CEP112: variants seen among roughly 807,000 people sequenced by gnomAD.
CEP112 encodes centrosomal protein 112, also known as centrosomal protein of 112 kDa.
A neutral mutation model predicts 153.0 loss-of-function variants in CEP112; 127 were observed. The observed-to-expected ratio is 0.83, with a 90% CI of 0.72 to 0.96. The LOEUF is 0.96. Among genes scored for constraint, CEP112 ranks in the 40% least tolerant of loss-of-function variants. The pLI, the probability that CEP112 is intolerant of heterozygous loss-of-function variation, is 0.00. For missense variants in CEP112, 1,089 were observed against 1,101.2 expected, an observed-to-expected ratio of 0.99 and a Z score of 0.16; for synonymous variants, 358 against 374.4, an observed-to-expected ratio of 0.96 and a Z score of 0.51.
chr17:65,998,593 C>G (rs1459263959), intron 17 of CEP112, among the ~76,000 whole-genome samples: 1 of 151,634 alleles, frequency 6.6e-6, no homozygotes. Flanking sequence ...TTCTGGAAAA[C>G]CTGTTCATAT....
chr17:65,975,937 C>T (rs2063018049), intron 17 of CEP112, among the ~76,000 whole-genome samples: 1 of 152,192 alleles, frequency 6.6e-6, no homozygotes, highest in Admixed American at 6.5e-5. Flanking sequence ...AAATGAATAT[C>T]CCAAGAAGTT....
At chr17:65,875,359 T>C (rs1356998012) in intron 20 of CEP112, among the ~76,000 whole-genome samples, 1 of 152,086 alleles carries the variant, frequency 6.6e-6, no homozygotes, top group Non-Finnish European at 1.5e-5. Context: ...CCAAGTAGTA[T>C]AGAAATGCCC....
rs117255763 is a variant in CEP112, at chr17:65,856,509, G to A, written c.2164-4475C>T. Among the ~76,000 whole-genome samples the A allele has an allele frequency of 9.2e-3, 1,406 of 152,132 alleles. 11 individuals carry two copies. Among genetic ancestry groups the A allele is most frequent in the Admixed American group, 0.013 (201 of 15,276 alleles). ...GTACTTTATTAATTTGTTATTGTGC[G>A]TTTCTATCCCCTAATTTTCACTATG... On this transcript the variant is annotated intron_variant, in intron 20 of 26. Coordinates refer to ENST00000535342, the MANE Select transcript of CEP112 (RefSeq NM_001199165.4).
chr17:66,087,900 T>C (rs1179682824), intron 8 of CEP112, among the ~76,000 whole-genome samples: 1 of 151,970 alleles, frequency 6.6e-6, no homozygotes, highest in Non-Finnish European at 1.5e-5. Context: ...CAGTAAAACG[T>C]AGGATCAGGC....
intron 8 of CEP112, among the ~76,000 whole-genome samples, chr17:66,086,593 A>G (rs2067947636): frequency 6.6e-6 from 1 of 151,170 alleles, no homozygotes; most frequent in Middle Eastern, 3.4e-3. Context: ...TTTTTAGCAG[A>G]GACGGGGTTT....
rs199953992 is a variant in CEP112 at position 66,061,731 on chromosome 17, TA to T, written c.1074+1231del. ...ATACATAATCACACTCGTGGAATTTTAAAAGTTGAGCTCATAGAAGTAGAGA... is the reference window on the plus strand; with the variant it reads ...ATACATAATCACACTCGTGGAATTTTAAAGTTGAGCTCATAGAAGTAGAGA... On this transcript the variant is annotated intron_variant, in intron 11 of 26. Transcript: ENST00000535342. Among the ~76,000 whole-genome samples the T allele has an allele frequency of 1.6e-3, 250 of 152,236 alleles. 7 individuals are homozygous for T. The East Asian group carries it at 0.041, about 25-fold the overall frequency.
At chr17:65,663,274 T>C (rs1046108311) in intron 24 of CEP112, among the ~76,000 whole-genome samples, 1 of 152,246 alleles carries the variant, frequency 6.6e-6, no homozygotes, top group African/African-American at 2.4e-5. Context: ...GTGATCTTTG[T>C]CATATCCAGT....
At chr17:66,046,746 C>A (rs2066226806) in intron 12 of CEP112, among the ~76,000 whole-genome samples, 1 of 152,116 alleles carries the variant, frequency 6.6e-6, no homozygotes, top group Non-Finnish European at 1.5e-5. Context: ...AATCCAACAA[C>A]TTCTGTCATT....
intron 23 of CEP112, among the ~76,000 whole-genome samples, chr17:65,717,674 T>A (rs1248502073): frequency 1.8e-4 from 27 of 152,182 alleles, no homozygotes; most frequent in Admixed American, 1.8e-3. Flanking sequence ...AAATGTTTGT[T>A]TTTCTTCTCA....
intron 23 of CEP112, among the ~76,000 whole-genome samples, chr17:65,728,811 G>A (rs1399622689): frequency 6.6e-6 from 1 of 152,148 alleles, no homozygotes. Flanking sequence ...GCACTTGTGA[G>A]TCAGTGAGTG....
At chr17:65,676,931 G>T (rs2047263972) in intron 24 of CEP112, among the ~76,000 whole-genome samples, 1 of 152,104 alleles carries the variant, frequency 6.6e-6, no homozygotes, top group African/African-American at 2.4e-5. Context: ...AACTGGGGGA[G>T]CCTGGCCTGG....
intron 23 of CEP112, among the ~76,000 whole-genome samples, chr17:65,735,304 GTTCTTTCAGAGTGACTA>G (rs1664091536): frequency 6.6e-6 from 1 of 152,104 alleles, no homozygotes; most frequent in Non-Finnish European, 1.5e-5. Context: ...CCTGTCAATC[GTTCTTTCAGAGTGACTA>G]GAGTTCAGCT....
intron 16 of CEP112, among the ~76,000 whole-genome samples, chr17:66,013,977 T>C (rs11867758): frequency 0.04 from 6,077 of 152,308 alleles, 168 homozygotes; most frequent in South Asian, 0.11. Flanking sequence ...GCCACTGGCC[T>C]TCCTGAGTGC....
At chr17:66,131,658 G>A (rs186497921) in intron 5 of CEP112, among the ~76,000 whole-genome samples, 2,481 of 151,808 alleles carry the variant, frequency 0.016, 178 homozygotes, top group Admixed American at 0.12. Context: ...GGAGAACGGC[G>A]TGAACCCGGG....
At chr17:66,022,143 C>T (rs970313833) in intron 16 of CEP112, among the ~76,000 whole-genome samples, 1 of 152,156 alleles carries the variant, frequency 6.6e-6, no homozygotes, top group Non-Finnish European at 1.5e-5. Context: ...AGCCACCACA[C>T]TAAGTCTATT....
chr17:65,793,342 G>C (rs1378654107), intron 21 of CEP112, among the ~76,000 whole-genome samples: 1 of 152,124 alleles, frequency 6.6e-6, no homozygotes, highest in Non-Finnish European at 1.5e-5. Flanking sequence ...TTGGAAGGTG[G>C]GGAGTGGGAG....
chr17:65,713,793 T>C (rs1376362713), intron 23 of CEP112, among the ~76,000 whole-genome samples: 3 of 152,100 alleles, frequency 2.0e-5, no homozygotes, highest in Non-Finnish European at 4.4e-5. Context: ...TTTCACCATG[T>C]TAGCCAGGAT....
chr17:65,983,904 G>C (rs6504382), intron 17 of CEP112, among the ~76,000 whole-genome samples: 9,828 of 152,074 alleles, frequency 0.065, 455 homozygotes, highest in South Asian at 0.12. Context: ...AATTGGTTTT[G>C]TTATCTCTCT....
At chr17:66,090,706 T>C (rs1312369148) in intron 8 of CEP112, among the ~76,000 whole-genome samples, 2 of 152,116 alleles carry the variant, frequency 1.3e-5, no homozygotes, top group African/African-American at 2.4e-5. Context: ...TGAATACTTA[T>C]GTTGAATACA....
Sources: gnomAD v4.1 joint callset for allele counts (sites outside exome capture counted in the v4.1 genomes callset) on GRCh38, gnomAD v4.1.1 for gene constraint, MANE v1.5 for transcripts, NCBI Gene and HGNC (gene_info 2026-07-23, HGNC 2026-07-21) for gene names.